Variants in KLHL1 observed in about 807,000 individuals in gnomAD.
KLHL1 encodes the protein kelch-like protein 1.
KLHL1 carries 47 observed loss-of-function variants against 77.7 expected under a neutral mutation model. The observed-to-expected ratio is 0.60, with a 90% CI of 0.48 to 0.77. KLHL1 has a LOEUF of 0.77. Among genes scored for constraint, KLHL1 ranks in the 30% least tolerant of loss-of-function variants. The probability of loss-of-function intolerance (pLI) is 0.00; values close to 1 mark genes in which losing one functional copy is unlikely to be tolerated. For missense variants in KLHL1, 925 were observed against 910.8 expected (o/e 1.02, Z -0.20); for synonymous variants, 360 against 325.2 (o/e 1.11, Z -1.15).
intron 6 of KLHL1, among the ~76,000 whole-genome samples, chr13:69,824,365 AAAGT>A (rs1159712891): frequency 2.6e-5 from 4 of 152,070 alleles, no homozygotes; most frequent in Non-Finnish European, 5.9e-5. Context: ...CAGTTCCCAA[AAAGT>A]AAGATGATAT....
intron 6 of KLHL1, among the ~76,000 whole-genome samples, chr13:69,817,874 A>C (rs1644087135): frequency 6.6e-6 from 1 of 152,180 alleles, no homozygotes; most frequent in Non-Finnish European, 1.5e-5. Flanking sequence ...GCATTCATAC[A>C]GTCTTCATTC....
intron 7 of KLHL1, among the ~76,000 whole-genome samples, chr13:69,767,588 T>C (rs1875369253): frequency 6.6e-6 from 1 of 152,164 alleles, no homozygotes; most frequent in South Asian, 2.1e-4. Flanking sequence ...ATAATCACTA[T>C]ATCCAATCCT....
intron 1 of KLHL1, among the ~76,000 whole-genome samples, chr13:69,993,119 G>T (rs1210442443): frequency 6.6e-6 from 1 of 151,960 alleles, no homozygotes; most frequent in Non-Finnish European, 1.5e-5. Context: ...TGAATGTCAT[G>T]TTGGACCCCT....
intron 1 of KLHL1, among the ~76,000 whole-genome samples, chr13:70,024,626 C>A (rs1311040055): frequency 5.3e-4 from 34 of 64,588 alleles, no homozygotes; most frequent in Middle Eastern, 7.8e-3. Flanking sequence ...AGATTTCTCT[C>A]TCTCTCTCTC....
chr13:70,039,526 T>A (rs1886321172), intron 1 of KLHL1, among the ~76,000 whole-genome samples: 1 of 152,194 alleles, frequency 6.6e-6, no homozygotes, highest in Non-Finnish European at 1.5e-5. Flanking sequence ...CTCATCTTTT[T>A]AACAATCTTT....
chr13:69,903,199 C>T (rs1457067639), intron 4 of KLHL1, among the ~76,000 whole-genome samples: 1 of 152,100 alleles, frequency 6.6e-6, no homozygotes, highest in African/African-American at 2.4e-5. Flanking sequence ...TATCACAGGA[C>T]CTCTCTTTCT....
chr13:69,713,943 G>T (rs968295658), intron 9 of KLHL1, among the ~76,000 whole-genome samples: 3 of 152,030 alleles, frequency 2.0e-5, no homozygotes, highest in Non-Finnish European at 4.4e-5. Context: ...TCAGCACAAT[G>T]TTAGAAAAAA....
intron 4 of KLHL1, among the ~76,000 whole-genome samples, chr13:69,934,815 C>T (rs17085680): frequency 0.039 from 5,979 of 151,632 alleles, 257 homozygotes; most frequent in African/African-American, 0.1. Flanking sequence ...CATTCTTTAA[C>T]CAAATCTACA....
chr13:69,780,716 GTATATATATATA>G (rs1290786295), intron 7 of KLHL1, among the ~76,000 whole-genome samples: 2 of 47,694 alleles, frequency 4.2e-5, no homozygotes, highest in Admixed American at 2.3e-4. Flanking sequence ...ATATATATAT[GTATATATATATA>G]TATACATATA....
At chr13:69,955,893 GATATATTTATATATATTTGATAT>G (rs1158284834) in intron 3 of KLHL1, among the ~76,000 whole-genome samples, 5 of 132,396 alleles carry the variant, frequency 3.8e-5, no homozygotes, top group Admixed American at 8.1e-5. Context: ...ATATATATTT[GATATATTTATATATATTTGATAT>G]ATATATTTAT....
At chr13:70,092,632 A>T (rs1240148216) in intron 1 of KLHL1, among the ~76,000 whole-genome samples, 1 of 152,180 alleles carries the variant, frequency 6.6e-6, no homozygotes, top group Non-Finnish European at 1.5e-5. Context: ...TTATATATAC[A>T]TATAAAACTT....
intron 1 of KLHL1, among the ~76,000 whole-genome samples, chr13:70,030,813 T>C (rs2137365421): frequency 6.6e-6 from 1 of 152,292 alleles, no homozygotes; most frequent in Middle Eastern, 3.4e-3. Context: ...GAGCTGGTTA[T>C]TTGAAAAGTT....
chr13:69,941,045 A>G (rs1310147051), intron 3 of KLHL1, among the ~76,000 whole-genome samples: 7 of 151,964 alleles, frequency 4.6e-5, no homozygotes, highest in Admixed American at 4.6e-4. Context: ...GTATAATTGT[A>G]CAATTGTATA....
intron 2 of KLHL1, among the ~76,000 whole-genome samples, chr13:69,962,336 G>A (rs1394264120): frequency 2.0e-5 from 3 of 151,990 alleles, no homozygotes; most frequent in Non-Finnish European, 2.9e-5. Flanking sequence ...GGTGAATTAT[G>A]TTTGCTAGTT....
chr13:69,755,422 CA>C (rs1187382259), intron 7 of KLHL1, among the ~76,000 whole-genome samples: 1 of 151,966 alleles, frequency 6.6e-6, no homozygotes, highest in African/African-American at 2.4e-5. Flanking sequence ...ATAGATTACC[CA>C]GTCTCTGGTA....
chr13:69,975,545 T>C, intron 2 of KLHL1, 75 bp downstream of exon 2: 1 of 1,233,012 alleles, frequency 8.1e-7, no homozygotes, highest in South Asian at 1.4e-5. Flanking sequence ...TCATATAATA[T>C]TCTGCAATCT....
chr13:69,875,715 C>G (rs1361259164), intron 5 of KLHL1, among the ~76,000 whole-genome samples: 1 of 152,044 alleles, frequency 6.6e-6, no homozygotes, highest in Non-Finnish European at 1.5e-5. Flanking sequence ...GTGAATGTCA[C>G]AGGAGGGCTA....
chr13:70,069,048 T>C (rs1887078272), intron 1 of KLHL1, among the ~76,000 whole-genome samples: 1 of 152,216 alleles, frequency 6.6e-6, no homozygotes, highest in Non-Finnish European at 1.5e-5. Flanking sequence ...TTAAACTATT[T>C]TGCCAGAACT....
intron 5 of KLHL1, among the ~76,000 whole-genome samples, chr13:69,840,696 ATATATGTATG>A (rs908664040): frequency 4.9e-5 from 7 of 143,724 alleles, no homozygotes; most frequent in African/African-American, 5.2e-5. Flanking sequence ...ATATATATAT[ATATATGTATG>A]TATGTATGTA....
Sources: allele counts gnomAD v4.1 joint callset (sites outside exome capture counted in the v4.1 genomes callset), GRCh38; gene constraint gnomAD v4.1.1; transcripts MANE v1.5; gene names NCBI Gene and HGNC (gene_info 2026-07-23, HGNC 2026-07-21).